Variants in TRPC7 observed in about 807,000 individuals in gnomAD.
TRPC7 encodes the protein short transient receptor potential channel 7.
A neutral mutation model predicts 90.1 loss-of-function variants in TRPC7; 42 were observed. That is an observed-to-expected ratio of 0.47 (90% confidence interval 0.36 to 0.60). The LOEUF (loss-of-function observed/expected upper bound fraction) is 0.60. Among genes scored for constraint, TRPC7 ranks in the 20% least tolerant of loss-of-function variants. TRPC7 has a pLI of 0.00. For synonymous variants in TRPC7, 451 were observed against 436.3 expected, an observed-to-expected ratio of 1.03 and a Z score of -0.42; for missense variants, 955 against 1,112.3, an observed-to-expected ratio of 0.86 and a Z score of 2.01.
intron 3 of TRPC7, among the ~76,000 whole-genome samples, chr5:136,309,738 A>C (rs753824796): frequency 9.2e-5 from 14 of 152,234 alleles, no homozygotes; most frequent in Non-Finnish European, 1.5e-4. Flanking sequence ...TCCTGAGGGA[A>C]TTCAGTTCCA....
At chr5:136,351,554 G>C (rs534478192) in intron 2 of TRPC7, among the ~76,000 whole-genome samples, 21 of 152,338 alleles carry the variant, frequency 1.4e-4, no homozygotes, top group Non-Finnish European at 2.6e-4. Context: ...CAGCCCAGGT[G>C]GGGGCCTTTC....
In TRPC7 at chr5:136,226,273, C is replaced by T; in HGVS notation, c.2041-18G>A. 6.5e-7 allele frequency: 1 copy of T among 1,538,950 alleles called. No individual in the cohort carries two copies. Among genetic ancestry groups the T allele is most frequent in the Non-Finnish European group, 8.8e-7 (1 of 1,135,842 alleles). ...GCATCCTCCTGTGGAACAAGGGAAA[C>T]AACAACACACCCTCAAAGGCCACGA... On this transcript the variant is annotated intron_variant, in intron 8 of 11. Coordinates refer to ENST00000513104, the MANE Select transcript of TRPC7 (RefSeq NM_020389.3).
intron 3 of TRPC7, among the ~76,000 whole-genome samples, chr5:136,308,574 C>T (rs960184926): frequency 6.6e-6 from 1 of 152,354 alleles, no homozygotes; most frequent in South Asian, 2.1e-4. Context: ...GTCCCCTTTG[C>T]TCACTGGCCC....
In TRPC7 at chr5:136,357,403, G is replaced by A. The variant is rs373280024; in HGVS notation, c.3-18C>T. 3.6e-4 allele frequency: 565 copies of A among 1,569,072 alleles called. 5 individuals are homozygous for A. The African/African-American group carries it at 6.8e-3, about 19-fold the overall frequency. On this transcript the variant is annotated intron_variant, in intron 1 of 11. Coordinates refer to ENST00000513104, the MANE Select transcript of TRPC7 (RefSeq NM_020389.3). ...TCCTCAACCTATGGGACAAGGCAAA[G>A]ATGCCCTGTTACTTTCCTGCGGATT...
intron 2 of TRPC7, chr5:136,316,126 T>C (rs891448959): frequency 2.1e-4 from 46 of 218,024 alleles, no homozygotes; most frequent in African/African-American, 1.0e-3. Flanking sequence ...AATCTGTCTT[T>C]TAACTTTGCT....
chr5:136,360,098 G>A lies in TRPC7; in HGVS notation c.3-2713C>T, dbSNP rs146847691. On this transcript the variant is annotated intron_variant, in intron 1 of 11. Coordinates refer to ENST00000513104, the MANE Select transcript of TRPC7 (RefSeq NM_020389.3). ...GTCAAGGGTACCCAACTATTACACA[G>A]CAACAAGCCATGGAGAGATTAACTC... Among the ~76,000 whole-genome samples the A allele has an allele frequency of 4.5e-4, 68 of 152,182 alleles. 1 individual carries two copies. In the East Asian group the frequency reaches 0.013, roughly 28 times the overall value.
chr5:136,219,759 C>G (rs938349476), intron 10 of TRPC7, among the ~76,000 whole-genome samples: 3 of 152,220 alleles, frequency 2.0e-5, no homozygotes, highest in African/African-American at 7.2e-5. Flanking sequence ...GAGCAAGACT[C>G]TGTCTCAAAA....
intron 3 of TRPC7, among the ~76,000 whole-genome samples, chr5:136,302,965 C>T (rs2149832543): frequency 6.6e-6 from 1 of 152,050 alleles, no homozygotes. Flanking sequence ...CTGACCTCTC[C>T]CCTCCTAGCC....
At chr5:136,241,702 C>T (rs1424550464) in intron 7 of TRPC7, among the ~76,000 whole-genome samples, 2 of 152,090 alleles carry the variant, frequency 1.3e-5, no homozygotes, top group African/African-American at 4.8e-5. Flanking sequence ...AAAACAGGTG[C>T]GAGCCACCAC....
At chr5:136,277,651 G>T (rs898429325) in intron 3 of TRPC7, among the ~76,000 whole-genome samples, 9 of 152,156 alleles carry the variant, frequency 5.9e-5, no homozygotes, top group Non-Finnish European at 1.3e-4. Context: ...AAGAACTCGG[G>T]GTGTGACCAG....
intron 6 of TRPC7, among the ~76,000 whole-genome samples, chr5:136,251,339 AAAAC>A (rs1286735901): frequency 1.3e-5 from 2 of 152,210 alleles, no homozygotes; most frequent in Admixed American, 6.5e-5. Flanking sequence ...ACGTTTCTTA[AAAAC>A]AAACAAACTA....
chr5:136,302,398 C>CT (rs1443200452), intron 3 of TRPC7, among the ~76,000 whole-genome samples: 1 of 152,212 alleles, frequency 6.6e-6, no homozygotes, highest in Non-Finnish European at 1.5e-5. Context: ...CTTCTTCACC[C>CT]TTAGCGGCAA....
At chr5:136,213,672 GTGGGCATGTGCATCCTT>G (rs1580825725) in intron 11 of TRPC7, 68 bp from the exon 12 acceptor site, 1 of 1,534,628 alleles carries the variant, frequency 6.5e-7, no homozygotes, top group Non-Finnish European at 8.9e-7. Flanking sequence ...CCATGCACAT[GTGGGCATGTGCATCCTT>G]CCAGTGGAAT....
intron 3 of TRPC7, among the ~76,000 whole-genome samples, chr5:136,292,794 T>G (rs1758008882): frequency 6.6e-6 from 1 of 152,220 alleles, no homozygotes; most frequent in South Asian, 2.1e-4. Flanking sequence ...ACTCATTTTA[T>G]GAGGCCAGCA....
At position 136,304,127 on chromosome 5, in the gene TRPC7, G is replaced by A. The variant is rs796941463; in HGVS notation, c.963+11470C>T. Reference sequence around the variant, plus strand: ...CCCTGACTATTCCTGGACTACAGCTGCATCTCATTGCTGCCCTTCTTCCCA... The same window carrying A: ...CCCTGACTATTCCTGGACTACAGCTACATCTCATTGCTGCCCTTCTTCCCA... On this transcript the variant is annotated intron_variant, in intron 3 of 11. Coordinates refer to ENST00000513104, the MANE Select transcript of TRPC7 (RefSeq NM_020389.3). Among the ~76,000 whole-genome samples, 4 of 152,030 alleles carry A rather than the reference G, an allele frequency of 2.6e-5. No homozygotes were observed. In the South Asian group the frequency reaches 8.3e-4, roughly 32 times the overall value.
intron 3 of TRPC7, among the ~76,000 whole-genome samples, chr5:136,279,717 G>A (rs1757484037): frequency 6.6e-6 from 1 of 152,184 alleles, no homozygotes. Flanking sequence ...AGAAGTGGAA[G>A]CTATTTCCAG....
intron 3 of TRPC7, among the ~76,000 whole-genome samples, chr5:136,290,514 T>G (rs1380649751): frequency 6.6e-6 from 1 of 152,142 alleles, no homozygotes; most frequent in East Asian, 1.9e-4. Context: ...CAGTAACTGA[T>G]GTGATCAACT....
At chr5:136,302,501 C>A (rs577137811) in intron 3 of TRPC7, among the ~76,000 whole-genome samples, 2 of 152,032 alleles carry the variant, frequency 1.3e-5, no homozygotes, top group Admixed American at 6.6e-5. Flanking sequence ...ACCCCTGAAC[C>A]CCTTCCCTCC....
intron 4 of TRPC7, 152 bp downstream of exon 4, chr5:136,274,521 A>G (rs1315744833): frequency 3.8e-6 from 3 of 798,136 alleles, no homozygotes; most frequent in South Asian, 4.7e-5. Context: ...TTTTCCTTTT[A>G]TGTGGTTTCC....
Sources: gnomAD v4.1 joint callset for allele counts (sites outside exome capture counted in the v4.1 genomes callset) on GRCh38, gnomAD v4.1.1 for gene constraint, MANE v1.5 for transcripts, NCBI Gene and HGNC (gene_info 2026-07-23, HGNC 2026-07-21) for gene names.